CHRNA7: variants seen among roughly 807,000 people sequenced by gnomAD.
CHRNA7 encodes cholinergic receptor nicotinic alpha 7 subunit.
In CHRNA7, 17 loss-of-function variants were observed where a neutral mutation model predicts 48.0. That is an observed-to-expected ratio of 0.35 (90% CI 0.24 to 0.53). The LOEUF (loss-of-function observed/expected upper bound fraction) is 0.53, where lower values mean the gene tolerates loss of function less well. Among genes scored for constraint, CHRNA7 ranks in the 20% least tolerant of loss-of-function variants. The pLI is 0.92. For synonymous variants in CHRNA7, 75 were observed against 242.3 expected (o/e 0.31, Z 6.41); for missense variants, 155 against 577.7 (o/e 0.27, Z 7.50).
intron 2 of CHRNA7, among the ~76,000 whole-genome samples, chr15:32,070,091 T>C (rs2050029982): frequency 6.6e-6 from 1 of 152,250 alleles, no homozygotes; most frequent in Non-Finnish European, 1.5e-5. Context: ...GAAGCTGTAA[T>C]TGACATACAA....
intron 2 of CHRNA7, among the ~76,000 whole-genome samples, chr15:32,085,462 A>C (rs1380805091): frequency 6.6e-6 from 1 of 152,212 alleles, no homozygotes; most frequent in African/African-American, 2.4e-5. Flanking sequence ...TTCACATTTT[A>C]ACTTTTTTAT....
At chr15:32,051,202 C>G (rs2049667720) in intron 2 of CHRNA7, among the ~76,000 whole-genome samples, 1 of 151,710 alleles carries the variant, frequency 6.6e-6, no homozygotes, top group South Asian at 2.1e-4. Flanking sequence ...ACATTTAAGT[C>G]TGCAGAGGTT....
intron 2 of CHRNA7, among the ~76,000 whole-genome samples, chr15:32,059,737 G>A (rs889505266): frequency 2.0e-5 from 3 of 151,010 alleles, no homozygotes; most frequent in African/African-American, 7.3e-5. Flanking sequence ...ATTTTTTTTT[G>A]TTTTGTTTGT....
At chr15:32,085,281 C>A (rs943200606) in intron 2 of CHRNA7, among the ~76,000 whole-genome samples, 1 of 152,124 alleles carries the variant, frequency 6.6e-6, no homozygotes, top group African/African-American at 2.4e-5. Context: ...CTGGCAGAAA[C>A]CCCCCATGTA....
intron 3 of CHRNA7, among the ~76,000 whole-genome samples, chr15:32,105,095 GA>G (rs1240106280): frequency 2.6e-5 from 4 of 152,230 alleles, no homozygotes; most frequent in Admixed American, 6.5e-5. Context: ...GGTGTCACCA[GA>G]GACCTCTAAA....
rs2050572599 is a variant in CHRNA7 at position 32,101,496 on chromosome 15, C to T, written c.240+149C>T. The T allele has an allele frequency of 8.1e-6, 6 of 744,600 alleles. No individual in the cohort carries two copies. In the East Asian group the frequency reaches 1.5e-4, roughly 19 times the overall value. 46.1% of individuals were successfully genotyped at this position (744,600 alleles called of 1,614,324 possible). ...AAAGGCCATGGCTGTCACACCAACT[C>T]CACACCTGCCAACAATGAATGCTGG... On this transcript the variant is annotated intron_variant, in intron 3 of 9. Transcript: ENST00000306901.
At chr15:32,078,380 G>C (rs558531259) in intron 2 of CHRNA7, among the ~76,000 whole-genome samples, 1 of 152,160 alleles carries the variant, frequency 6.6e-6, no homozygotes, top group African/African-American at 2.4e-5. Context: ...GATCCATTTT[G>C]AGTTAATTTT....
intron 2 of CHRNA7, among the ~76,000 whole-genome samples, chr15:32,069,915 A>C (rs1027475695): frequency 1.3e-5 from 2 of 152,176 alleles, no homozygotes; most frequent in Non-Finnish European, 2.9e-5. Flanking sequence ...CACTCTGGGC[A>C]CTTAACTTGA....
chr15:32,092,737 A>T lies in CHRNA7; in HGVS notation c.196-8566A>T, dbSNP rs144175847. 6.0e-3 allele frequency among the ~76,000 whole-genome samples: 913 copies of T among 152,348 alleles called. 12 individuals carry two copies. The highest frequency in any genetic ancestry group is 0.02 in the African/African-American group (850 of 41,584). Reference sequence around the variant, plus strand: ...AAAACAAAACCAAGAAAAATAAATGACTGCTTCTAAATCCTGCTCCTAACT... The same window carrying T: ...AAAACAAAACCAAGAAAAATAAATGTCTGCTTCTAAATCCTGCTCCTAACT... On this transcript the variant is annotated intron_variant, in intron 2 of 9. Coordinates refer to ENST00000306901, the MANE Select transcript of CHRNA7 (RefSeq NM_000746.6).
At chr15:32,037,901 T>G (rs187868806) in intron 2 of CHRNA7, among the ~76,000 whole-genome samples, 92 of 151,870 alleles carry the variant, frequency 6.1e-4, no homozygotes, top group Non-Finnish European at 9.9e-4. Flanking sequence ...TACTTTTTAT[T>G]TCCTTTTTCT....
chr15:32,066,030 C>G (rs1364286916), intron 2 of CHRNA7, among the ~76,000 whole-genome samples: 11 of 152,176 alleles, frequency 7.2e-5, no homozygotes, highest in Non-Finnish European at 2.9e-5. Flanking sequence ...CCTGGCTGTG[C>G]CGAAGATGTG....
Position 32,030,647 on chromosome 15 carries a change from A to G in CHRNA7, c.53A>G (p.His18Arg), listed in dbSNP as rs1489015382. 1.3e-6 allele frequency: 2 copies of G among 1,577,576 alleles called. No homozygotes were observed. The highest frequency in any genetic ancestry group is 2.3e-5 in the South Asian group (2 of 86,454). The change falls in exon 1 of 10, where the codon CAC becomes CGC. Residue 18 changes from histidine to arginine, a missense_variant and splice_region_variant. By Grantham distance (29) the His-to-Arg change is conservative. Transcript: ENST00000306901. Reference protein sequence around the residue: ...VWLALAASLLHVSLQGEFQRK... With the variant: ...VWLALAASLLRVSLQGEFQRK... ...CTGGCGCTGGCCGCGTCGCTCCTGC[A>G]CGGTAAAGCCACTGCCTCCCCGCCC...
At chr15:32,097,022 A>G (rs922959110) in intron 2 of CHRNA7, among the ~76,000 whole-genome samples, 14 of 152,012 alleles carry the variant, frequency 9.2e-5, no homozygotes, top group African/African-American at 3.4e-4. Context: ...GTGAGTAGCC[A>G]CGTGGTGACA....
intron 2 of CHRNA7, among the ~76,000 whole-genome samples, chr15:32,040,594 GTATA>G: frequency 1.1e-5 from 1 of 94,054 alleles, no homozygotes; most frequent in Non-Finnish European, 3.0e-5. Flanking sequence ...GTGTGTGTGT[GTATA>G]TGTGTGTATG....
At chr15:32,105,485 GGAGGAGGA>G (rs2050652603) in intron 3 of CHRNA7, among the ~76,000 whole-genome samples, 1 of 136,770 alleles carries the variant, frequency 7.3e-6, no homozygotes, top group South Asian at 2.2e-4. Context: ...GAGGAGGAAA[GGAGGAGGA>G]GAGGAGGAAA....
At chr15:32,037,657 AT>A (rs1185776351) in intron 2 of CHRNA7, among the ~76,000 whole-genome samples, 2 of 151,940 alleles carry the variant, frequency 1.3e-5, no homozygotes, top group Non-Finnish European at 2.9e-5. Context: ...TAAGTGCTTA[AT>A]TTTTGAGGGG....
At chr15:32,132,183 G>A (rs1445345813) in intron 4 of CHRNA7, among the ~76,000 whole-genome samples, 1 of 152,118 alleles carries the variant, frequency 6.6e-6, no homozygotes, top group East Asian at 1.9e-4. Context: ...GCTAGACACG[G>A]TCCAGCTGTC....
chr15:32,040,385 T>C (rs977644401), intron 2 of CHRNA7, among the ~76,000 whole-genome samples: 6 of 152,102 alleles, frequency 3.9e-5, no homozygotes, highest in Admixed American at 3.3e-4. Context: ...TTCCCTCCTT[T>C]CTTGGTGTAT....
chr15:32,134,884 A>G (rs1462615573), intron 4 of CHRNA7, among the ~76,000 whole-genome samples: 1 of 152,266 alleles, frequency 6.6e-6, no homozygotes, highest in Non-Finnish European at 1.5e-5. Flanking sequence ...TTGAAGGAGC[A>G]GAGGCAGTTT....
Sources: allele counts gnomAD v4.1 joint callset (sites outside exome capture counted in the v4.1 genomes callset), GRCh38; gene constraint gnomAD v4.1.1; transcripts MANE v1.5; gene names NCBI Gene and HGNC (gene_info 2026-07-23, HGNC 2026-07-21).